Variants in NECAB1 observed in about 807,000 individuals in gnomAD.
The protein encoded by NECAB1 is N-terminal EF-hand calcium binding protein 1.
Under a neutral mutation model 57.5 loss-of-function variants are expected in NECAB1, and 29 were observed. The observed-to-expected ratio is 0.50, with a 90% CI of 0.38 to 0.69. The LOEUF is 0.69. NECAB1 is among the 30% of genes least tolerant of loss of function. The pLI, the probability that NECAB1 is intolerant of heterozygous loss-of-function variation, is 0.00. For missense variants in NECAB1, 372 were observed against 413.8 expected, an observed-to-expected ratio of 0.90 and a Z score of 0.88; for synonymous variants, 142 against 147.7, an observed-to-expected ratio of 0.96 and a Z score of 0.28.
chr8:90,941,780 T>C (rs1810675719), intron 10 of NECAB1, among the ~76,000 whole-genome samples: 1 of 152,290 alleles, frequency 6.6e-6, no homozygotes, highest in African/African-American at 2.4e-5. Flanking sequence ...TGGCTATTCT[T>C]CCTCTCAGAA....
chr8:90,811,823 C>T (rs1319243544), intron 2 of NECAB1, among the ~76,000 whole-genome samples: 3 of 152,148 alleles, frequency 2.0e-5, no homozygotes, highest in Non-Finnish European at 4.4e-5. Context: ...AGAATTTCTC[C>T]TTTACATTAA....
intron 7 of NECAB1, among the ~76,000 whole-genome samples, chr8:90,927,610 T>TACAC (rs71560287): frequency 0.054 from 7,783 of 143,854 alleles, 284 homozygotes; most frequent in African/African-American, 0.1. Flanking sequence ...TGGTGCTAGA[T>TACAC]ACACACACAC....
intron 5 of NECAB1, among the ~76,000 whole-genome samples, chr8:90,907,641 G>A (rs890657783): frequency 6.6e-6 from 1 of 152,100 alleles, no homozygotes; most frequent in Admixed American, 6.5e-5. Context: ...AAAGTTAACT[G>A]GTGATATTGT....
chr8:90,821,681 T>A (rs531036750), intron 2 of NECAB1, among the ~76,000 whole-genome samples: 1 of 151,834 alleles, frequency 6.6e-6, no homozygotes, highest in South Asian at 2.1e-4. Context: ...TTTTTTTTTC[T>A]TTTTTCAAAA....
At chr8:90,824,237 G>C (rs1812189777) in intron 2 of NECAB1, among the ~76,000 whole-genome samples, 1 of 151,784 alleles carries the variant, frequency 6.6e-6, no homozygotes, top group Non-Finnish European at 1.5e-5. Flanking sequence ...GGTACTCACT[G>C]ATTTAAAGGG....
rs189035367 is a variant in NECAB1, at chr8:90,888,411, A to G, written c.357+7281A>G. ...GGGAGAGAAGTTAATGCAGACATTC[A>G]TGGGGGATAAACAGCACAGTATGTG... On this transcript the variant is annotated intron_variant, in intron 5 of 12. Coordinates refer to ENST00000417640, the MANE Select transcript of NECAB1 (RefSeq NM_022351.5). 1.7e-3 allele frequency among the ~76,000 whole-genome samples: 266 copies of G among 152,298 alleles called. 2 individuals carry two copies. The highest frequency in any genetic ancestry group is 0.01 in the Middle Eastern group (3 of 294).
chr8:90,837,502 C>A (rs1245110951), intron 3 of NECAB1, among the ~76,000 whole-genome samples: 1 of 152,138 alleles, frequency 6.6e-6, no homozygotes, highest in East Asian at 1.9e-4. Context: ...TTGTTTATTT[C>A]TAGGATTTTC....
chr8:90,796,016 A>G (rs992909105), intron 1 of NECAB1, among the ~76,000 whole-genome samples: 2 of 152,204 alleles, frequency 1.3e-5, no homozygotes, highest in African/African-American at 4.8e-5. Context: ...TTAAAAATAC[A>G]CTTAGTCTTA....
intron 1 of NECAB1, among the ~76,000 whole-genome samples, chr8:90,800,587 G>A (rs1334095910): frequency 6.6e-6 from 1 of 152,178 alleles, no homozygotes; most frequent in Non-Finnish European, 1.5e-5. Flanking sequence ...TCCAGATAAA[G>A]TTACATTCGT....
intron 3 of NECAB1, among the ~76,000 whole-genome samples, chr8:90,868,517 T>G (rs1808560428): frequency 6.6e-6 from 1 of 152,152 alleles, no homozygotes. Flanking sequence ...TAAAGGTCAT[T>G]CTCACTATAC....
intron 3 of NECAB1, among the ~76,000 whole-genome samples, chr8:90,855,044 T>C (rs532480423): frequency 5.9e-5 from 9 of 152,358 alleles, no homozygotes; most frequent in Middle Eastern, 3.4e-3. Flanking sequence ...GGCATCTATA[T>C]GCCCAAGGCC....
intron 8 of NECAB1, among the ~76,000 whole-genome samples, chr8:90,929,735 C>T (rs1425256889): frequency 6.6e-6 from 1 of 152,132 alleles, no homozygotes; most frequent in African/African-American, 2.4e-5. Context: ...GGAATAAATG[C>T]TGATAAGCTA....
At chr8:90,813,269 A>T (rs1050504033) in intron 2 of NECAB1, 1 of 150,544 alleles carries the variant, frequency 6.6e-6, no homozygotes, top group African/African-American at 2.4e-5. Flanking sequence ...ACACACACAC[A>T]CACTTGTATA....
intron 10 of NECAB1, among the ~76,000 whole-genome samples, chr8:90,943,028 G>A (rs1467728293): frequency 6.7e-6 from 1 of 149,408 alleles, no homozygotes; most frequent in Non-Finnish European, 1.5e-5. Flanking sequence ...GGGATTGAGT[G>A]CATGTTTTAT....
chr8:90,872,103 G>GT lies in NECAB1; in HGVS notation c.234-16dup, dbSNP rs538635711. 2.1e-3 allele frequency: 3,100 copies of GT among 1,475,342 alleles called. 2 individuals are homozygous for GT. Among genetic ancestry groups the GT allele is most frequent in the South Asian group, 6.6e-3 (513 of 77,700 alleles). The allele number at this position is 1,475,342 out of a possible 1,614,324, so 91.4% of individuals were successfully genotyped here. A position where few individuals can be genotyped will look rare whatever the true frequency, so the allele number is the denominator to read the frequency against. ...AAAATATTACCAAAGTAATAACACT[G>GT]TTTTTTTTTGTTTCATCTTTTCAGT... On this transcript the variant is annotated intron_variant, in intron 3 of 12. Coordinates refer to ENST00000417640, the MANE Select transcript of NECAB1 (RefSeq NM_022351.5).
At chr8:90,846,272 A>G (rs1812557023) in intron 3 of NECAB1, among the ~76,000 whole-genome samples, 1 of 152,210 alleles carries the variant, frequency 6.6e-6, no homozygotes, top group Admixed American at 6.5e-5. Context: ...ATACTTTCCT[A>G]GGCTTCTTAT....
At chr8:90,844,787 G>A (rs547142164) in intron 3 of NECAB1, among the ~76,000 whole-genome samples, 1 of 151,900 alleles carries the variant, frequency 6.6e-6, no homozygotes, top group African/African-American at 2.4e-5. Context: ...ACTGAGCTAC[G>A]TTCTTCTAAA....
At chr8:90,931,912 A>AAAATG (rs1810416689) in intron 8 of NECAB1, among the ~76,000 whole-genome samples, 1 of 151,710 alleles carries the variant, frequency 6.6e-6, no homozygotes, top group African/African-American at 2.4e-5. Context: ...TCAAAAAAAT[A>AAAATG]AAATAAAATA....
chr8:90,829,713 G>A (rs1812274843), intron 3 of NECAB1, among the ~76,000 whole-genome samples: 2 of 152,204 alleles, frequency 1.3e-5, no homozygotes, highest in South Asian at 4.1e-4. Flanking sequence ...GCACACCAGA[G>A]TGACAAAAAT....
Sources: gnomAD v4.1 joint callset for allele counts (sites outside exome capture counted in the v4.1 genomes callset) on GRCh38, gnomAD v4.1.1 for gene constraint, MANE v1.5 for transcripts, NCBI Gene and HGNC (gene_info 2026-07-23, HGNC 2026-07-21) for gene names.